The following MAST1 variants were observed in gnomAD, a reference collection of about 807,000 sequenced individuals.
The protein encoded by MAST1 is microtubule-associated serine/threonine-protein kinase 1.
Under a neutral mutation model 124.6 loss-of-function variants are expected in MAST1, and 40 were observed. That is an observed-to-expected ratio of 0.32 (90% CI 0.25 to 0.42). MAST1 has a LOEUF of 0.42. MAST1 is among the 10% of genes least tolerant of loss of function. The pLI is 1.00. For synonymous variants in MAST1, 938 were observed against 939.4 expected (o/e 1.00, Z 0.03); for missense variants, 1,558 against 2,181.9 (o/e 0.71, Z 5.70).
At position 12,847,666 on chromosome 19, in the gene MAST1, C is replaced by G; in HGVS notation, c.543C>G (p.Val181=). Reference sequence around the variant, plus strand: ...ACGAGATCGTGATGATGAATCACGTCTACAAGGAGAGGTTCCCGAAGGTGA... The same window carrying G: ...ACGAGATCGTGATGATGAATCACGTGTACAAGGAGAGGTTCCCGAAGGTGA... ...YDNEIVMMNH[V]YKERFPKATA... The change falls in exon 6 of 26, where the codon GTC becomes GTG. Residue 181 remains valine, a synonymous_variant. Coordinates refer to ENST00000251472, the MANE Select transcript of MAST1 (RefSeq NM_014975.3). This position sits in a 1 kb window ranked among gnomAD's most constrained non-coding sequence, Gnocchi z 5.5. 3.7e-6 allele frequency: 6 copies of G among 1,614,060 alleles called. No individual in the cohort carries two copies. In the South Asian group the frequency reaches 6.6e-5, roughly 18 times the overall value.
chr19:12,871,295 C>G, intron 24 of MAST1, 123 bp downstream of exon 24: 1 of 1,411,468 alleles, frequency 7.1e-7, no homozygotes. Context: ...GACCAACAAG[C>G]AAAGGGAAGA....
rs768616448 is a variant in MAST1 at position 12,873,308 on chromosome 19, C to T, written c.3264-16C>T. 6.2e-7 allele frequency: 1 copy of T among 1,608,628 alleles called. No individual in the cohort carries two copies. Among genetic ancestry groups the T allele is most frequent in the South Asian group, 1.1e-5 (1 of 90,874 alleles). On this transcript the variant is annotated splice_polypyrimidine_tract_variant and intron_variant, in intron 24 of 25. Coordinates refer to ENST00000251472, the MANE Select transcript of MAST1 (RefSeq NM_014975.3). ...CGTCCAGGTCAAGGACGCTTGGCCC[C>T]CTCCCTGTCCCGCAGCAAGAAGCGC...
chr19:12,856,982 T>C (rs1970024418), intron 10 of MAST1, among the ~76,000 whole-genome samples: 1 of 152,204 alleles, frequency 6.6e-6, no homozygotes, highest in African/African-American at 2.4e-5. Context: ...TATTTGCCCA[T>C]AGAGGATATC....
Position 12,874,701 on chromosome 19 carries a change from C to T in MAST1, c.4544C>T (p.Ala1515Val), listed in dbSNP as rs762261376. ...PEPQTPSLAP[A>V]KCSAPSSAVT... is the part of the protein sequence containing the mutation. The stretch of plus-strand genomic sequence containing the variant: ...CCCCAGACACCCTCCCTAGCCCCAG[C>T]GAAGTGCAGTGCACCCAGCAGTGCA... The change falls in exon 26 of 26, where the codon GCG (alanine) becomes GTG (valine). Residue 1515 changes from alanine (A) to valine (V), a missense_variant. Ala to Val is a moderately conservative substitution (Grantham distance 64, BLOSUM62 0). Coordinates refer to ENST00000251472, the MANE Select transcript of MAST1 (RefSeq NM_014975.3). This position sits in a 1 kb window ranked among gnomAD's most constrained non-coding sequence, Gnocchi z 6.6. 2.5e-6 allele frequency: 4 copies of T among 1,573,932 alleles called. No individual in the cohort carries two copies. Among genetic ancestry groups the T allele is most frequent in the East Asian group, 4.5e-5 (2 of 44,094 alleles).
Position 12,843,670 on chromosome 19 carries a change from A to G in MAST1, c.327+63A>G. The G allele has an allele frequency of 6.9e-7, 1 of 1,456,962 alleles. No homozygotes were observed. The highest frequency in any genetic ancestry group is 9.5e-7 in the Non-Finnish European group (1 of 1,048,618). 90.3% of individuals were successfully genotyped at this position (1,456,962 alleles called of 1,614,324 possible). ...GGAATTCAGGGGCCCTCCAGCCTGA[A>G]GACCCACACCCAGGCCAGCAGTCCA... On this transcript the variant is annotated intron_variant, in intron 4 of 25. Transcript: ENST00000251472. This position sits in a 1 kb window ranked among gnomAD's most constrained non-coding sequence, Gnocchi z 4.9.
rs1352257592 is a variant in MAST1, at chr19:12,838,693, C to A, written c.83+38C>A. 1.3e-6 allele frequency: 2 copies of A among 1,583,556 alleles called. No individual in the cohort carries two copies. On this transcript the variant is annotated intron_variant, in intron 1 of 25. Transcript: ENST00000251472. This position sits in a 1 kb window ranked among gnomAD's most constrained non-coding sequence, Gnocchi z 4.3. ...TCCCCTAGACATTGTCCCGGCCCTCCCCGCAAAAGCCGCCGCTCCGGGTAC... is the reference window on the plus strand; with the variant it reads ...TCCCCTAGACATTGTCCCGGCCCTCACCGCAAAAGCCGCCGCTCCGGGTAC...
Position 12,847,728 on chromosome 19 carries a change from C to A in MAST1, c.564+41C>A. ...AGGCGGTCACGGGGTGACCAGGCGG[C>A]CTGCACTCTCGCTCGCCTTATCCCC... On this transcript the variant is annotated intron_variant, in intron 6 of 25. Transcript: ENST00000251472. The surrounding 1 kb of genome is among the most constrained non-coding windows in gnomAD (Gnocchi z 5.5). 6.2e-7 allele frequency: 1 copy of A among 1,604,638 alleles called. No homozygotes were observed. The highest frequency in any genetic ancestry group is 8.5e-7 in the Non-Finnish European group (1 of 1,173,798).
intron 12 of MAST1, among the ~76,000 whole-genome samples, chr19:12,863,022 G>A (rs1198086275): frequency 2.0e-5 from 3 of 151,630 alleles, no homozygotes; most frequent in Non-Finnish European, 2.9e-5. Flanking sequence ...GGCGGTGCAC[G>A]CCTATCATCC....
chr19:12,871,768 C>G (rs1970237663), intron 24 of MAST1, among the ~76,000 whole-genome samples: 1 of 151,764 alleles, frequency 6.6e-6, no homozygotes, highest in Admixed American at 6.6e-5. Flanking sequence ...ACTTAAAAAA[C>G]TAGTTGGGTT....
chr19:12,861,680 C>CTTTCTTTCTTTCTTTCTT (rs1555743464), intron 12 of MAST1, among the ~76,000 whole-genome samples: 1 of 143,450 alleles, frequency 7.0e-6, no homozygotes. Flanking sequence ...TTCTTTTTCT[C>CTTTCTTTCTTTCTTTCTT]TCTTTCTTTC....
Position 12,873,518 on chromosome 19 carries a change from C to T in MAST1, c.3451+7C>T. 6.3e-7 allele frequency: 1 copy of T among 1,597,402 alleles called. No homozygotes were observed. Among genetic ancestry groups the T allele is most frequent in the Non-Finnish European group, 8.5e-7 (1 of 1,174,202 alleles). On this transcript the variant is annotated splice_region_variant and intron_variant, in intron 25 of 25. Transcript: ENST00000251472. ...CCTGACTCCGCCTACCTAGGTATTACCTCCTGCACCTGCGCGGGGACCGAG... is the reference window on the plus strand; with the variant it reads ...CCTGACTCCGCCTACCTAGGTATTATCTCCTGCACCTGCGCGGGGACCGAG...
At chr19:12,855,999 A>G (rs1309084338) in intron 10 of MAST1, among the ~76,000 whole-genome samples, 4 of 151,430 alleles carry the variant, frequency 2.6e-5, no homozygotes, top group Non-Finnish European at 5.9e-5. Context: ...AGTTCCATAC[A>G]ATAGTGTGCG....
rs761079832 is a variant in MAST1 at position 12,847,433 on chromosome 19, C to T, written c.471C>T (p.Pro157=). Residue 157 remains proline, a synonymous_variant, in exon 5 of 26, where the codon CCC becomes CCT. Coordinates refer to ENST00000251472, the MANE Select transcript of MAST1 (RefSeq NM_014975.3). The surrounding 1 kb of genome is among the most constrained non-coding windows in gnomAD (Gnocchi z 5.5). ...DGGRRSPAVR[P]RSRSLSPGRS... ...GCCGTCGCTCCCCAGCCGTGCGGCC[C>T]CGCTCACGGAGCCTCAGGTGGGCAG... is the stretch of plus-strand genomic sequence containing the variant. 2 of 1,613,800 alleles carry T rather than the reference C, an allele frequency of 1.2e-6. No individual in the cohort carries two copies. Among genetic ancestry groups the T allele is most frequent in the Non-Finnish European group, 1.7e-6 (2 of 1,179,964 alleles).
At position 12,868,978 on chromosome 19, in the gene MAST1, G is replaced by T. The variant is rs1254783877; in HGVS notation, c.2774-88G>T. The stretch of plus-strand genomic sequence containing the variant: ...GGCTGGACCAATGAGAGGCTGCTCT[G>T]CCACTGCCTTGGGAGGAGGGAGGAG... On this transcript the variant is annotated intron_variant, in intron 21 of 25. Coordinates refer to ENST00000251472, the MANE Select transcript of MAST1 (RefSeq NM_014975.3). 63 of 1,535,888 alleles carry T rather than the reference G, an allele frequency of 4.1e-5. 1 individual carries two copies. Among genetic ancestry groups the T allele is most frequent in the Non-Finnish European group, 4.9e-5 (55 of 1,116,084 alleles).
Position 12,852,380 on chromosome 19 carries a change from A to T in MAST1, c.1062A>T (p.Gln354His). The T allele has an allele frequency of 6.2e-7, 1 of 1,613,488 alleles. No individual in the cohort carries two copies. Among genetic ancestry groups the T allele is most frequent in the Non-Finnish European group, 8.5e-7 (1 of 1,179,612 alleles). The change falls in exon 10 of 26, where the codon CAA becomes CAT. Residue 354 changes from glutamine (Q) to histidine (H), a missense_variant. By Grantham distance (24) the Gln-to-His change is conservative. This residue lies in a region of MAST1 where 136 missense variants were observed against 160.9 expected (regional missense o/e 0.85). Coordinates refer to ENST00000251472, the MANE Select transcript of MAST1 (RefSeq NM_014975.3). ...GTGGTGGTTCCAACACCCCTGAGCA[A>T]GACGATCTCTCTGAGGTAAGGCTGG... ...QDSGGSNTPE[Q>H]DDLSEGRSSK...
chr19:12,867,323 G>GA, intron 18 of MAST1, 151 bp from the exon 19 acceptor site: 1 of 857,690 alleles, frequency 1.2e-6, no homozygotes, highest in Non-Finnish European at 1.9e-6. Flanking sequence ...CTGAACTGAA[G>GA]AATTGTAGGT....
rs143926676 is a variant in MAST1 at position 12,853,131 on chromosome 19, C to T, written c.1077+736C>T. Among the ~76,000 whole-genome samples the T allele has an allele frequency of 4.3e-3, 653 of 151,138 alleles. 4 individuals carry two copies. The highest frequency in any genetic ancestry group is 0.014 in the African/African-American group (586 of 41,476). On this transcript the variant is annotated intron_variant, in intron 10 of 25. Coordinates refer to ENST00000251472, the MANE Select transcript of MAST1 (RefSeq NM_014975.3). ...GATTACAGGCATGTAACACCACACCCGGCTAATTTTGTATTTTTAGTAGAG... is the reference window on the plus strand; with the variant it reads ...GATTACAGGCATGTAACACCACACCTGGCTAATTTTGTATTTTTAGTAGAG...
intron 10 of MAST1, among the ~76,000 whole-genome samples, chr19:12,853,993 A>G (rs901101855): frequency 2.6e-5 from 4 of 151,500 alleles, no homozygotes; most frequent in Admixed American, 1.3e-4. Flanking sequence ...TAGTTGCAGA[A>G]CTTTTTTATC....
At chr19:12,869,008 T>C (rs1418735723) in intron 21 of MAST1, 58 bp from the exon 22 acceptor site, 1 of 1,576,328 alleles carries the variant, frequency 6.3e-7, no homozygotes, top group Non-Finnish European at 8.7e-7. Context: ...GAGGAGCAGA[T>C]ACAGGGAGAT....
Sources: gnomAD v4.1 joint callset for allele counts (sites outside exome capture counted in the v4.1 genomes callset) on GRCh38, gnomAD v4.1.1 for gene constraint, gnomAD v4.1.1 regional missense constraint, Gnocchi (gnomAD v3.1) non-coding constraint, MANE v1.5 for transcripts, NCBI Gene and HGNC (gene_info 2026-07-23, HGNC 2026-07-21) for gene names.